The following VWC2L variants were observed in gnomAD, a reference collection of about 807,000 sequenced individuals.
VWC2L encodes von Willebrand factor C domain containing 2 like, also known as von Willebrand factor C domain-containing protein 2-like.
VWC2L carries 10 observed loss-of-function variants against 21.6 expected under a neutral mutation model. That is an observed-to-expected ratio of 0.46 (90% CI 0.29 to 0.78). VWC2L has a LOEUF of 0.78. VWC2L is among the 30% of genes least tolerant of loss of function. VWC2L has a pLI of 0.10. For missense variants in VWC2L, 209 were observed against 277.1 expected, an observed-to-expected ratio of 0.75 and a Z score of 1.74; for synonymous variants, 96 against 94.3, an observed-to-expected ratio of 1.02 and a Z score of -0.10.
chr2:214,527,314 A>G (rs1487058636), intron 3 of VWC2L, among the ~76,000 whole-genome samples: 1 of 152,206 alleles, frequency 6.6e-6, no homozygotes, highest in African/African-American at 2.4e-5. Flanking sequence ...CCTGGTTGAC[A>G]GGATCATTTG....
chr2:214,505,417 T>G (rs1688954387), intron 3 of VWC2L, among the ~76,000 whole-genome samples: 1 of 152,178 alleles, frequency 6.6e-6, no homozygotes, highest in South Asian at 2.1e-4. Context: ...AGTTTTGGGT[T>G]TTTTTTAATC....
At position 214,577,741 on chromosome 2, in the gene VWC2L, C is replaced by T. The variant is rs929395949; in HGVS notation, c.*1921C>T. ...TGGTTTTTCATTTAAAATTGTCAGC[C>T]TCTCCTCCCTGGAAGCATCTGCTGT... On this transcript the variant is annotated 3_prime_UTR_variant, in exon 4 of 4. Transcript: ENST00000312504. The T allele has an allele frequency of 6.6e-6, 1 of 152,170 alleles. No individual in the cohort carries two copies. Among genetic ancestry groups the T allele is most frequent in the African/African-American group, 2.4e-5 (1 of 41,430 alleles). 9.4% of individuals were successfully genotyped at this position (152,170 alleles called of 1,614,324 possible). A position where few individuals can be genotyped will look rare whatever the true frequency, so the allele number is the denominator to read the frequency against.
intron 3 of VWC2L, among the ~76,000 whole-genome samples, chr2:214,558,038 A>G (rs191779101): frequency 6.6e-6 from 1 of 152,292 alleles, no homozygotes; most frequent in Admixed American, 6.5e-5. Flanking sequence ...CTCCGCAGAC[A>G]TTGTACTTGT....
chr2:214,526,024 A>G (rs1040269216), intron 3 of VWC2L, among the ~76,000 whole-genome samples: 6 of 151,834 alleles, frequency 4.0e-5, no homozygotes, highest in African/African-American at 1.4e-4. Context: ...AGTACCCAAT[A>G]AGTATTAGCT....
At chr2:214,446,909 G>A (rs1042396447) in intron 3 of VWC2L, among the ~76,000 whole-genome samples, 11 of 152,050 alleles carry the variant, frequency 7.2e-5, no homozygotes, top group Non-Finnish European at 1.6e-4. Flanking sequence ...GGAGATAATC[G>A]GACTCAAAAA....
chr2:214,426,755 T>C (rs1008332050), intron 2 of VWC2L, among the ~76,000 whole-genome samples: 3 of 152,254 alleles, frequency 2.0e-5, no homozygotes, highest in Non-Finnish European at 2.9e-5. Context: ...ATGAACATTA[T>C]GCAAGTAATG....
intron 3 of VWC2L, among the ~76,000 whole-genome samples, chr2:214,535,912 G>A (rs1689520282): frequency 6.6e-6 from 1 of 151,914 alleles, no homozygotes; most frequent in African/African-American, 2.4e-5. Context: ...AAGAGAATAG[G>A]GATACATTAC....
At chr2:214,493,801 T>C (rs530268380) in intron 3 of VWC2L, among the ~76,000 whole-genome samples, 8 of 152,214 alleles carry the variant, frequency 5.3e-5, no homozygotes, top group Middle Eastern at 3.4e-3. Flanking sequence ...TGAATAAGAC[T>C]GTTGAGATGA....
At chr2:214,453,345 T>C (rs929854441) in intron 3 of VWC2L, among the ~76,000 whole-genome samples, 4 of 152,338 alleles carry the variant, frequency 2.6e-5, no homozygotes, top group South Asian at 2.1e-4. Flanking sequence ...CTCCACTGAA[T>C]TGCATTTGTG....
chr2:214,487,785 A>C (rs994460810), intron 3 of VWC2L, among the ~76,000 whole-genome samples: 1 of 152,206 alleles, frequency 6.6e-6, no homozygotes, highest in Non-Finnish European at 1.5e-5. Flanking sequence ...GGCAATTCAC[A>C]GTACCTTGTA....
intron 3 of VWC2L, among the ~76,000 whole-genome samples, chr2:214,552,060 G>T (rs1295823675): frequency 6.6e-6 from 1 of 152,192 alleles, no homozygotes; most frequent in Non-Finnish European, 1.5e-5. Context: ...GCCTGATGTT[G>T]CTCATTTCTA....
intron 2 of VWC2L, among the ~76,000 whole-genome samples, chr2:214,433,183 T>TATATATATATATATATATAA (rs1278271015): frequency 8.8e-6 from 1 of 114,076 alleles, no homozygotes; most frequent in Non-Finnish European, 1.9e-5. Context: ...TATATATATA[T>TATATATATATATATATATAA]TATATATAAA....
intron 3 of VWC2L, among the ~76,000 whole-genome samples, chr2:214,484,883 G>C (rs1324753967): frequency 6.6e-6 from 1 of 152,096 alleles, no homozygotes; most frequent in East Asian, 1.9e-4. Flanking sequence ...ATACCAATGA[G>C]CTTTTAGGCA....
Position 214,462,849 on chromosome 2 carries a change from A to T in VWC2L, c.520+26091A>T, listed in dbSNP as rs538429808. On this transcript the variant is annotated intron_variant, in intron 3 of 3. Transcript: ENST00000312504. ...TTTGATAGGTTGACTTTACATATTC[A>T]TTACACTTAAAACAGTAATTTCTCT... is the stretch of plus-strand genomic sequence containing the variant. 1.4e-3 allele frequency among the ~76,000 whole-genome samples: 210 copies of T among 152,320 alleles called. 2 individuals are homozygous for T. The highest frequency in any genetic ancestry group is 4.9e-3 in the African/African-American group (203 of 41,574).
chr2:214,428,391 A>G (rs965457168), intron 2 of VWC2L, among the ~76,000 whole-genome samples: 12 of 152,192 alleles, frequency 7.9e-5, no homozygotes, highest in Admixed American at 7.9e-4. Flanking sequence ...ACATTATCAT[A>G]TAGCCAAGTT....
intron 3 of VWC2L, among the ~76,000 whole-genome samples, chr2:214,508,601 T>C (rs1324206936): frequency 6.6e-6 from 1 of 152,240 alleles, no homozygotes; most frequent in African/African-American, 2.4e-5. Flanking sequence ...ATTTGTTCTA[T>C]CCTAGAGTTT....
rs147057397 is a variant in VWC2L, at chr2:214,502,082, C to G, written c.520+65324C>G. On this transcript the variant is annotated intron_variant, in intron 3 of 3. Transcript: ENST00000312504. The stretch of plus-strand genomic sequence containing the variant: ...TTACCATGTTTTGGAGGTAGTTTGT[C>G]ACAGATCAATAACCAAAACAATTAA... 6.9e-3 allele frequency among the ~76,000 whole-genome samples: 1,046 copies of G among 152,282 alleles called. 10 individuals are homozygous for G. Among genetic ancestry groups the G allele is most frequent in the African/African-American group, 0.024 (996 of 41,544 alleles).
chr2:214,509,992 T>G (rs899086859), intron 3 of VWC2L, among the ~76,000 whole-genome samples: 42 of 152,356 alleles, frequency 2.8e-4, no homozygotes, highest in African/African-American at 1.0e-3. Flanking sequence ...ATCATTTATA[T>G]AACTATAAAC....
intron 2 of VWC2L, among the ~76,000 whole-genome samples, chr2:214,422,180 G>A (rs6740278): frequency 3.3e-5 from 5 of 152,048 alleles, no homozygotes; most frequent in Middle Eastern, 3.4e-3. Context: ...GAGCCACCGC[G>A]CCCGGCCTAT....
Sources: allele counts gnomAD v4.1 joint callset (sites outside exome capture counted in the v4.1 genomes callset), GRCh38; gene constraint gnomAD v4.1.1; transcripts MANE v1.5; gene names NCBI Gene and HGNC (gene_info 2026-07-23, HGNC 2026-07-21).